The following ARL6IP6 variants were observed in gnomAD, a reference collection of about 807,000 sequenced individuals.
ARL6IP6 encodes the protein ADP-ribosylation factor-like protein 6-interacting protein 6.
Under a neutral mutation model 21.5 loss-of-function variants are expected in ARL6IP6, and 22 were observed. The observed-to-expected ratio is 1.02, with a 90% CI of 0.73 to 1.46. ARL6IP6 has a LOEUF of 1.46. Among genes scored for constraint, ARL6IP6 ranks in the 40% most tolerant of loss-of-function variants. ARL6IP6 has a pLI of 0.00. For missense variants in ARL6IP6, 388 were observed against 299.8 expected, an observed-to-expected ratio of 1.29 and a Z score of -2.17; for synonymous variants, 164 against 125.3, an observed-to-expected ratio of 1.31 and a Z score of -2.06.
chr2:152,729,816 A>G (rs1476337201), intron 2 of ARL6IP6, among the ~76,000 whole-genome samples: 1 of 152,214 alleles, frequency 6.6e-6, no homozygotes, highest in Non-Finnish European at 1.5e-5. Context: ...ACTTTTAGGA[A>G]TGAAATTGGC....
upstream of ARL6IP6, chr2:152,717,683 C>G: frequency 7.1e-7 from 1 of 1,399,138 alleles, no homozygotes. Context: ...AGTCCTCCGT[C>G]GGGAAAACTC....
rs764555922 is a variant in ARL6IP6 at position 152,718,982 on chromosome 2, C to T, written c.358C>T (p.Leu120Phe). Residue 120 changes from leucine (L) to phenylalanine (F), a missense_variant, in exon 1 of 4, where the codon CTT becomes TTT. Leu to Phe is a conservative substitution (Grantham distance 22). Transcript: ENST00000326446. ...SILCSLLFAI[L>F]LAFLLAIAYL... Reference sequence around the variant, plus strand: ...TCTCTGCTCGCTGCTCTTCGCCATTCTTCTCGCCTTCCTCCTCGCCATCGC... The same window carrying T: ...TCTCTGCTCGCTGCTCTTCGCCATTTTTCTCGCCTTCCTCCTCGCCATCGC... 2 of 1,586,544 alleles carry T rather than the reference C, an allele frequency of 1.3e-6. No homozygotes were observed. The highest frequency in any genetic ancestry group is 4.6e-5 in the East Asian group (2 of 43,884).
At chr2:152,736,190 A>G (rs1700543977) in intron 3 of ARL6IP6, among the ~76,000 whole-genome samples, 1 of 152,170 alleles carries the variant, frequency 6.6e-6, no homozygotes, top group Non-Finnish European at 1.5e-5. Flanking sequence ...AGTTAAGCCT[A>G]ACATTACAAT....
At chr2:152,722,103 C>T (rs556003465) in intron 2 of ARL6IP6, among the ~76,000 whole-genome samples, 100 of 152,258 alleles carry the variant, frequency 6.6e-4, no homozygotes, top group Middle Eastern at 3.4e-3. Context: ...AGTAGAATGA[C>T]GGGCAGTTGT....
intron 3 of ARL6IP6, 24 bp downstream of exon 3, chr2:152,735,150 C>A (rs769925257): frequency 1.2e-6 from 2 of 1,611,106 alleles, no homozygotes; most frequent in South Asian, 2.2e-5. Flanking sequence ...TTTCCTGTTT[C>A]TTTTTTAAAT....
chr2:152,724,268 G>A (rs922866539), intron 2 of ARL6IP6, among the ~76,000 whole-genome samples: 11 of 152,182 alleles, frequency 7.2e-5, no homozygotes, highest in African/African-American at 2.6e-4. Context: ...TTAAGGGAAA[G>A]CACAAATTTA....
Position 152,734,213 on chromosome 2 carries a change from T to G in ARL6IP6, c.455-781T>G, listed in dbSNP as rs370163793. ...TAAGTCCATTATAATATTGTTCTTT[T>G]GACTTGACTTCTGTGAGAAAATACA... On this transcript the variant is annotated intron_variant, in intron 2 of 3. Transcript: ENST00000326446. Among the ~76,000 whole-genome samples, 27 of 152,354 alleles carry G rather than the reference T, an allele frequency of 1.8e-4. No homozygotes were observed. The South Asian group carries it at 5.4e-3, about 30-fold the overall frequency.
intron 3 of ARL6IP6, among the ~76,000 whole-genome samples, chr2:152,750,568 C>T (rs1701281634): frequency 6.6e-6 from 1 of 151,700 alleles, no homozygotes; most frequent in Admixed American, 6.6e-5. Context: ...TTAGGTTCAT[C>T]TGGTCCAGTT....
chr2:152,744,110 G>C (rs567355064), intron 3 of ARL6IP6, among the ~76,000 whole-genome samples: 1 of 152,106 alleles, frequency 6.6e-6, no homozygotes, highest in Non-Finnish European at 1.5e-5. Context: ...TAATGACCTC[G>C]AACATCTATG....
intron 3 of ARL6IP6, among the ~76,000 whole-genome samples, chr2:152,737,772 A>G (rs1284335005): frequency 4.6e-5 from 7 of 152,122 alleles, no homozygotes; most frequent in Non-Finnish European, 4.4e-5. Flanking sequence ...CCCACAACAC[A>G]TGGGAATTAT....
chr2:152,739,071 C>T (rs927465149), intron 3 of ARL6IP6, among the ~76,000 whole-genome samples: 8 of 152,004 alleles, frequency 5.3e-5, no homozygotes, highest in Non-Finnish European at 4.4e-5. Flanking sequence ...CAAGCTCCGC[C>T]TCCTGGGTTC....
At chr2:152,749,494 C>G (rs1250976755) in intron 3 of ARL6IP6, among the ~76,000 whole-genome samples, 14 of 152,110 alleles carry the variant, frequency 9.2e-5, no homozygotes, top group Admixed American at 9.2e-4. Flanking sequence ...AGTAGATGGT[C>G]AGAAGAATTT....
chr2:152,734,856 G>A (rs984609342), intron 2 of ARL6IP6, 138 bp from the exon 3 acceptor site: 4 of 915,630 alleles, frequency 4.4e-6, no homozygotes, highest in Non-Finnish European at 1.6e-6. Context: ...CTTGCAATAA[G>A]TTCAAATCTC....
upstream of ARL6IP6, chr2:152,718,385 C>T (rs1162004845): frequency 6.8e-5 from 32 of 469,840 alleles, no homozygotes; most frequent in East Asian, 7.8e-4. Flanking sequence ...TCCCTGCGCG[C>T]TTTCCTGCTC....
intron 1 of ARL6IP6, 141 bp downstream of exon 1, chr2:152,719,165 T>C (rs1282087948): frequency 2.1e-6 from 2 of 960,934 alleles, no homozygotes; most frequent in South Asian, 4.7e-5. Flanking sequence ...ATTTGCATCT[T>C]ACTTTGCTCT....
chr2:152,727,430 T>A (rs1465841791), intron 2 of ARL6IP6, among the ~76,000 whole-genome samples: 1 of 152,032 alleles, frequency 6.6e-6, no homozygotes, highest in African/African-American at 2.4e-5. Flanking sequence ...AAGAGAAAAA[T>A]TTTTTAATTT....
At chr2:152,725,133 TAAAG>T (rs1699980120) in intron 2 of ARL6IP6, among the ~76,000 whole-genome samples, 1 of 152,120 alleles carries the variant, frequency 6.6e-6, no homozygotes, top group Non-Finnish European at 1.5e-5. Context: ...TTCAAAAGAA[TAAAG>T]AAAACTGAGC....
intron 2 of ARL6IP6, among the ~76,000 whole-genome samples, chr2:152,732,174 T>C (rs1700347987): frequency 6.6e-6 from 1 of 151,938 alleles, no homozygotes; most frequent in Non-Finnish European, 1.5e-5. Flanking sequence ...TATATTATAA[T>C]ATACAGAGAT....
rs186843476 is a variant in ARL6IP6, at chr2:152,742,063, C to T, written c.587+6937C>T. Among the ~76,000 whole-genome samples, 146 of 152,318 alleles carry T rather than the reference C, an allele frequency of 9.6e-4. No homozygotes were observed. The East Asian group carries it at 0.016, about 17-fold the overall frequency. ...TCCTGCTTCTTCTACACTACCTACT[C>T]AACATCTCCAGTTCATTTCTCATCA... On this transcript the variant is annotated intron_variant, in intron 3 of 3. Transcript: ENST00000326446.
Sources: gnomAD v4.1 joint callset for allele counts (sites outside exome capture counted in the v4.1 genomes callset) on GRCh38, gnomAD v4.1.1 for gene constraint, MANE v1.5 for transcripts, NCBI Gene and HGNC (gene_info 2026-07-23, HGNC 2026-07-21) for gene names.